The following CADM2 variants were observed in gnomAD, a reference collection of about 807,000 sequenced individuals.
The protein encoded by CADM2 is cell adhesion molecule 2.
In CADM2, 12 loss-of-function variants were observed where a neutral mutation model predicts 49.8. The observed-to-expected ratio is 0.24, with a 90% CI of 0.15 to 0.39. The LOEUF (loss-of-function observed/expected upper bound fraction) is 0.39, where lower values mean the gene tolerates loss of function less well. Among genes scored for constraint, CADM2 ranks in the 10% least tolerant of loss-of-function variants. The pLI is 1.00. For synonymous variants in CADM2, 214 were observed against 175.4 expected (o/e 1.22, Z -1.74); for missense variants, 378 against 492.3 (o/e 0.77, Z 2.20).
rs55882841 is a variant in CADM2 at position 85,442,588 on chromosome 3, G to GTATATATATA, written c.62-283898_62-283889dup. Reference sequence around the variant, plus strand: ...TATTTAAAATAATGCTTATATATGAGTATATATATATATATATATATATAT... The same window carrying GTATATATATA: ...TATTTAAAATAATGCTTATATATGAGTATATATATATATATATATATATATATATATATAT... On this transcript the variant is annotated intron_variant, in intron 1 of 9. Coordinates refer to ENST00000383699, the MANE Select transcript of CADM2 (RefSeq NM_001167675.2). Among the ~76,000 whole-genome samples the GTATATATATA allele has an allele frequency of 4.5e-4, 55 of 120,902 alleles. 1 individual carries two copies. The highest frequency in any genetic ancestry group is 1.5e-3 in the African/African-American group (34 of 22,178). The allele number at this position is 120,902 out of a possible 152,430, so 79.3% of individuals were successfully genotyped here. A position where few individuals can be genotyped will look rare whatever the true frequency, so the allele number is the denominator to read the frequency against.
At chr3:84,995,400 T>A (rs2033122823) in intron 1 of CADM2, among the ~76,000 whole-genome samples, 1 of 152,198 alleles carries the variant, frequency 6.6e-6, no homozygotes, top group South Asian at 2.1e-4. Context: ...ATTAATACAA[T>A]TTTAAAATGT....
intron 1 of CADM2, among the ~76,000 whole-genome samples, chr3:85,208,264 T>G (rs1407864041): frequency 6.6e-6 from 1 of 152,184 alleles, no homozygotes; most frequent in Non-Finnish European, 1.5e-5. Flanking sequence ...TAAGTATGCT[T>G]TGTTATAACA....
chr3:85,481,811 TG>T (rs2039224676), intron 1 of CADM2, among the ~76,000 whole-genome samples: 1 of 150,218 alleles, frequency 6.7e-6, no homozygotes, highest in African/African-American at 2.5e-5. Flanking sequence ...ACTTCATTCT[TG>T]GTTTTTTTTT....
intron 8 of CADM2, among the ~76,000 whole-genome samples, chr3:86,056,750 A>AAAC (rs1239257807): frequency 6.6e-6 from 1 of 152,220 alleles, no homozygotes; most frequent in African/African-American, 2.4e-5. Flanking sequence ...AAAACAAACC[A>AAAC]AACTAAAACA....
chr3:85,570,425 A>G (rs902308794), intron 1 of CADM2, among the ~76,000 whole-genome samples: 33 of 152,248 alleles, frequency 2.2e-4, no homozygotes, highest in African/African-American at 7.0e-4. Flanking sequence ...TAATGAAACC[A>G]TTTTTAAGGA....
intron 1 of CADM2, among the ~76,000 whole-genome samples, chr3:85,168,017 T>C (rs2040518504): frequency 1.3e-5 from 2 of 152,130 alleles, no homozygotes; most frequent in African/African-American, 4.8e-5. Flanking sequence ...GTGGTACCTA[T>C]TATTACATAG....
chr3:85,276,031 A>G (rs1049131890), intron 1 of CADM2, among the ~76,000 whole-genome samples: 8 of 151,234 alleles, frequency 5.3e-5, no homozygotes, highest in Non-Finnish European at 1.2e-4. Flanking sequence ...GCAGATCACT[A>G]TTTTCCAGAG....
chr3:85,367,695 A>C (rs1001733253), intron 1 of CADM2, among the ~76,000 whole-genome samples: 1 of 152,018 alleles, frequency 6.6e-6, no homozygotes, highest in Non-Finnish European at 1.5e-5. Context: ...CAATGCTACT[A>C]TTGCCTACTT....
intron 8 of CADM2, among the ~76,000 whole-genome samples, chr3:86,044,594 C>A (rs1057455919): frequency 6.6e-6 from 1 of 152,132 alleles, no homozygotes; most frequent in African/African-American, 2.4e-5. Context: ...GAAATAGGAA[C>A]ACTTTTACAC....
chr3:86,042,611 C>T (rs1158088894), intron 8 of CADM2, among the ~76,000 whole-genome samples: 2 of 151,872 alleles, frequency 1.3e-5, no homozygotes, highest in Non-Finnish European at 2.9e-5. Flanking sequence ...AAAAAAAGTC[C>T]AGGACCAGAT....
intron 1 of CADM2, among the ~76,000 whole-genome samples, chr3:85,014,110 T>C (rs550574405): frequency 2.3e-4 from 34 of 147,230 alleles, no homozygotes; most frequent in Non-Finnish European, 4.3e-4. Flanking sequence ...ATATTATATA[T>C]ACGCAGTGTA....
intron 1 of CADM2, among the ~76,000 whole-genome samples, chr3:85,379,467 G>A (rs1240471512): frequency 6.6e-6 from 1 of 151,992 alleles, no homozygotes; most frequent in Non-Finnish European, 1.5e-5. Flanking sequence ...AGTTCATTCT[G>A]AGACTGGTTT....
chr3:85,615,560 C>A (rs915319539), intron 1 of CADM2, among the ~76,000 whole-genome samples: 3 of 151,824 alleles, frequency 2.0e-5, no homozygotes, highest in African/African-American at 7.2e-5. Context: ...AATTTCTTTT[C>A]TTTCCTTTTA....
chr3:85,107,445 C>A (rs1323422548), intron 1 of CADM2, among the ~76,000 whole-genome samples: 2 of 151,994 alleles, frequency 1.3e-5, no homozygotes, highest in South Asian at 4.1e-4. Context: ...TAAAACAAAG[C>A]AAAACATAAA....
chr3:85,987,980 A>G (rs1390314163), intron 8 of CADM2, among the ~76,000 whole-genome samples: 1 of 152,106 alleles, frequency 6.6e-6, no homozygotes, highest in East Asian at 1.9e-4. Context: ...GACACTCCAC[A>G]TGAAACACAG....
chr3:85,854,129 A>G (rs1230282917), intron 3 of CADM2, among the ~76,000 whole-genome samples: 8 of 152,186 alleles, frequency 5.3e-5, no homozygotes, highest in Admixed American at 1.3e-4. Flanking sequence ...ACCACTGTAG[A>G]AAGTACTTAC....
chr3:85,124,967 A>G (rs1229049023), intron 1 of CADM2, among the ~76,000 whole-genome samples: 1 of 152,214 alleles, frequency 6.6e-6, no homozygotes, highest in African/African-American at 2.4e-5. Flanking sequence ...CTGTATCACA[A>G]AGGGGCAGAG....
At chr3:85,071,039 T>A (rs1467106760) in intron 1 of CADM2, among the ~76,000 whole-genome samples, 7 of 151,116 alleles carry the variant, frequency 4.6e-5, no homozygotes, top group Non-Finnish European at 7.4e-5. Flanking sequence ...AATAAATAAA[T>A]AAAATACTTA....
chr3:85,698,066 T>G (rs962925296), intron 1 of CADM2, among the ~76,000 whole-genome samples: 1 of 152,230 alleles, frequency 6.6e-6, no homozygotes, highest in Non-Finnish European at 1.5e-5. Flanking sequence ...TGATCTCTCA[T>G]AGTCTAGTTG....
Sources: allele counts gnomAD v4.1 joint callset (sites outside exome capture counted in the v4.1 genomes callset), GRCh38; gene constraint gnomAD v4.1.1; transcripts MANE v1.5; gene names NCBI Gene and HGNC (gene_info 2026-07-23, HGNC 2026-07-21).